The following CMSS1 variants were observed in gnomAD, a reference collection of about 807,000 sequenced individuals.
The protein encoded by CMSS1 is cms1 ribosomal small subunit homolog.
In CMSS1, 33 loss-of-function variants were observed where a neutral mutation model predicts 43.5. The ratio of observed to expected loss-of-function variants is 0.76; its 90% CI spans 0.57 to 1.01. The LOEUF (loss-of-function observed/expected upper bound fraction) is 1.01, where lower values mean the gene tolerates loss of function less well. Among genes scored for constraint, CMSS1 ranks in the 50% least tolerant of loss-of-function variants. CMSS1 has a pLI of 0.00. For synonymous variants in CMSS1, 115 were observed against 117.2 expected, an observed-to-expected ratio of 0.98 and a Z score of 0.12; for missense variants, 313 against 326.4, an observed-to-expected ratio of 0.96 and a Z score of 0.32.
At position 100,043,661 on chromosome 3, in the gene CMSS1, A is replaced by G. The variant is rs529759136; in HGVS notation, c.65-103312A>G. ...AAGGTGATTATGATATGTTGAATTT[A>G]TTTTTTAAAACTTTTTTTACAAAAT... On this transcript the variant is annotated intron_variant, in intron 1 of 9. Coordinates refer to ENST00000421999, the MANE Select transcript of CMSS1 (RefSeq NM_032359.4). Among the ~76,000 whole-genome samples the G allele has an allele frequency of 2.6e-5, 4 of 152,310 alleles. No homozygotes were observed. The East Asian group carries it at 7.7e-4, about 29-fold the overall frequency.
intron 1 of CMSS1, among the ~76,000 whole-genome samples, chr3:99,877,326 C>T (rs1014381316): frequency 6.6e-6 from 1 of 152,080 alleles, no homozygotes; most frequent in African/African-American, 2.4e-5. Context: ...TTTTGTCAAA[C>T]AAGAATGACG....
chr3:99,950,475 A>AT (rs778457467), intron 1 of CMSS1, among the ~76,000 whole-genome samples: 1 of 152,096 alleles, frequency 6.6e-6, no homozygotes, highest in East Asian at 1.9e-4. Flanking sequence ...TATTCCTGAG[A>AT]TTTTTTCACT....
intron 2 of CMSS1, among the ~76,000 whole-genome samples, chr3:100,149,439 A>G (rs1383240723): frequency 6.6e-6 from 1 of 152,304 alleles, no homozygotes; most frequent in East Asian, 1.9e-4. Flanking sequence ...TGTTGGTCAC[A>G]TGCCATTGCT....
chr3:100,095,305 A>G (rs1440914183), intron 1 of CMSS1, among the ~76,000 whole-genome samples: 1 of 152,190 alleles, frequency 6.6e-6, no homozygotes, highest in African/African-American at 2.4e-5. Context: ...CATTAACACT[A>G]TATATCAATT....
intron 1 of CMSS1, among the ~76,000 whole-genome samples, chr3:100,003,964 A>G (rs1709915741): frequency 6.6e-6 from 1 of 152,174 alleles, no homozygotes; most frequent in Non-Finnish European, 1.5e-5. Context: ...ATGCCTGGGA[A>G]TGAACCTGAA....
chr3:100,042,555 T>G (rs1178880810), intron 1 of CMSS1, among the ~76,000 whole-genome samples: 4 of 152,232 alleles, frequency 2.6e-5, no homozygotes, highest in Non-Finnish European at 5.9e-5. Context: ...ATTTTAATTC[T>G]TTGGAAATTG....
intron 1 of CMSS1, among the ~76,000 whole-genome samples, chr3:99,832,344 C>T (rs1299647032): frequency 1.3e-5 from 2 of 151,042 alleles, no homozygotes; most frequent in Non-Finnish European, 3.0e-5. Flanking sequence ...CATTCTCCTG[C>T]CTCAGCCTCC....
intron 1 of CMSS1, among the ~76,000 whole-genome samples, chr3:99,993,056 G>C (rs1464901298): frequency 6.6e-6 from 1 of 151,744 alleles, no homozygotes; most frequent in African/African-American, 2.4e-5. Context: ...ATGTTATTTT[G>C]GTTGCTATAG....
At chr3:99,823,897 C>G (rs368989167) in intron 1 of CMSS1, among the ~76,000 whole-genome samples, 1 of 151,766 alleles carries the variant, frequency 6.6e-6, no homozygotes, top group African/African-American at 2.4e-5. Flanking sequence ...TCTGTCCTGT[C>G]CTTCTGATTG....
At chr3:100,027,948 T>C (rs1341349466) in intron 1 of CMSS1, among the ~76,000 whole-genome samples, 2 of 151,874 alleles carry the variant, frequency 1.3e-5, no homozygotes, top group Admixed American at 1.3e-4. Context: ...TTGCAGACCA[T>C]GGTAAGGAGT....
At chr3:99,929,815 T>C in intron 1 of CMSS1, 2 of 1,496,726 alleles carry the variant, frequency 1.3e-6, no homozygotes, top group African/African-American at 1.4e-5. Context: ...GGGCTAGTGC[T>C]TGGCTGCCTC....
intron 1 of CMSS1, among the ~76,000 whole-genome samples, chr3:99,823,599 A>G (rs1173381734): frequency 6.6e-6 from 1 of 152,122 alleles, no homozygotes; most frequent in Non-Finnish European, 1.5e-5. Context: ...CCTTACTGCC[A>G]TAAGCTTCTA....
intron 1 of CMSS1, among the ~76,000 whole-genome samples, chr3:99,968,794 A>G (rs1708728989): frequency 6.6e-6 from 1 of 152,222 alleles, no homozygotes; most frequent in South Asian, 2.1e-4. Context: ...GTCTCATCAG[A>G]GAAGTTTCAG....
At chr3:100,077,590 A>G (rs1160552432) in intron 1 of CMSS1, among the ~76,000 whole-genome samples, 1 of 152,232 alleles carries the variant, frequency 6.6e-6, no homozygotes, top group Non-Finnish European at 1.5e-5. Flanking sequence ...AAGAATTAAC[A>G]TAGTAAAACA....
rs150274980 is a variant in CMSS1, at chr3:100,118,159, G to A, written c.65-28814G>A. Among the ~76,000 whole-genome samples, 705 of 151,642 alleles carry A rather than the reference G, an allele frequency of 4.6e-3. 2 individuals carry two copies. Among genetic ancestry groups the A allele is most frequent in the South Asian group, 6.4e-3 (31 of 4,808 alleles). Reference sequence around the variant, plus strand: ...ATGATGGGAAAATTCTGGAAATAGAGAGTAGTGATGGTTGCATACCAGTGT... The same window carrying A: ...ATGATGGGAAAATTCTGGAAATAGAAAGTAGTGATGGTTGCATACCAGTGT... On this transcript the variant is annotated intron_variant, in intron 1 of 9. Transcript: ENST00000421999.
chr3:100,024,537 GT>G (rs2064883291), intron 1 of CMSS1, among the ~76,000 whole-genome samples: 1 of 152,002 alleles, frequency 6.6e-6, no homozygotes, highest in Non-Finnish European at 1.5e-5. Context: ...GGAAGCAACT[GT>G]TTTCTTTCAT....
intron 1 of CMSS1, among the ~76,000 whole-genome samples, chr3:100,078,911 T>G: frequency 6.6e-6 from 1 of 151,924 alleles, no homozygotes. Context: ...GAAAAAAAGA[T>G]TGCAAAAAAT....
At chr3:100,054,484 TA>T (rs2065427459) in intron 1 of CMSS1, among the ~76,000 whole-genome samples, 3 of 142,062 alleles carry the variant, frequency 2.1e-5, no homozygotes, top group Non-Finnish European at 4.6e-5. Context: ...TATATTATGT[TA>T]TGTTTTGTTA....
At chr3:100,003,069 G>T (rs1314453310) in intron 1 of CMSS1, among the ~76,000 whole-genome samples, 1 of 152,102 alleles carries the variant, frequency 6.6e-6, no homozygotes, top group East Asian at 1.9e-4. Context: ...TGATGTCTGT[G>T]TGACTCACAT....
Sources: allele counts gnomAD v4.1 joint callset (sites outside exome capture counted in the v4.1 genomes callset), GRCh38; gene constraint gnomAD v4.1.1; transcripts MANE v1.5; gene names NCBI Gene and HGNC (gene_info 2026-07-23, HGNC 2026-07-21).